SSBP3: variants seen among roughly 807,000 people sequenced by gnomAD.
SSBP3 encodes single-stranded DNA-binding protein 3.
In SSBP3, 5 loss-of-function variants were observed where a neutral mutation model predicts 69.6. That is an observed-to-expected ratio of 0.07 (90% CI 0.04 to 0.15). SSBP3 has a LOEUF of 0.15. Ranked by LOEUF, SSBP3 falls within the 10% of genes least tolerant of loss-of-function variation. The probability of loss-of-function intolerance (pLI) is 1.00; values close to 1 mark genes in which losing one functional copy is unlikely to be tolerated. For missense variants in SSBP3, 312 were observed against 534.0 expected (o/e 0.58, Z 4.10); for synonymous variants, 196 against 193.4 (o/e 1.01, Z -0.11).
At chr1:54,403,641 TA>T (rs2100823238) in intron 3 of SSBP3, among the ~76,000 whole-genome samples, 1 of 152,224 alleles carries the variant, frequency 6.6e-6, no homozygotes, top group Non-Finnish European at 1.5e-5. Context: ...CTTAAAACAG[TA>T]ACCTGAGCTG....
chr1:54,315,456 G>A (rs1277686845), intron 4 of SSBP3, among the ~76,000 whole-genome samples: 1 of 152,048 alleles, frequency 6.6e-6, no homozygotes, highest in Non-Finnish European at 1.5e-5. Context: ...AGAAAAGTCG[G>A]AGTTATAACA....
intron 7 of SSBP3, among the ~76,000 whole-genome samples, chr1:54,255,238 T>C (rs959245921): frequency 1.3e-5 from 2 of 152,086 alleles, no homozygotes; most frequent in Admixed American, 6.6e-5. Flanking sequence ...ATCCCCCATT[T>C]GCTCTTGAGT....
chr1:54,314,091 T>A (rs973761178), intron 4 of SSBP3, among the ~76,000 whole-genome samples: 1 of 152,144 alleles, frequency 6.6e-6, no homozygotes, highest in Non-Finnish European at 1.5e-5. Context: ...ATCTATGAGG[T>A]ATCAGAGTGG....
At chr1:54,355,033 G>A (rs1646841413) in intron 4 of SSBP3, among the ~76,000 whole-genome samples, 1 of 152,240 alleles carries the variant, frequency 6.6e-6, no homozygotes, top group Admixed American at 6.5e-5. Flanking sequence ...GGGAGGGTGA[G>A]GCTGGGTTGT....
chr1:54,293,300 G>A (rs373235070), intron 4 of SSBP3, among the ~76,000 whole-genome samples: 1 of 152,068 alleles, frequency 6.6e-6, no homozygotes, highest in African/African-American at 2.4e-5. Flanking sequence ...GGTGGGGCCT[G>A]GGAGGATCGG....
At chr1:54,313,578 C>T (rs1646044726) in intron 4 of SSBP3, among the ~76,000 whole-genome samples, 1 of 151,106 alleles carries the variant, frequency 6.6e-6, no homozygotes, top group Non-Finnish European at 1.5e-5. Flanking sequence ...TTGACATCAA[C>T]AGTCAAGTAC....
At chr1:54,256,465 G>A (rs529781273) in intron 7 of SSBP3, among the ~76,000 whole-genome samples, 129 of 152,222 alleles carry the variant, frequency 8.5e-4, no homozygotes, top group African/African-American at 2.8e-3. Context: ...GATTTCTCCA[G>A]ACCACCTAGA....
At chr1:54,302,229 T>G (rs1406589418) in intron 4 of SSBP3, among the ~76,000 whole-genome samples, 1 of 152,094 alleles carries the variant, frequency 6.6e-6, no homozygotes, top group East Asian at 1.9e-4. Context: ...ACCTACCCCC[T>G]GCCCCCGGTG....
intron 13 of SSBP3, among the ~76,000 whole-genome samples, chr1:54,240,051 T>G (rs1251471790): frequency 1.0e-4 from 2 of 19,928 alleles, no homozygotes; most frequent in Non-Finnish European, 2.1e-4. Context: ...TGATGGGGTG[T>G]GTGTGTGTGT....
chr1:54,289,681 A>C (rs949563264), intron 4 of SSBP3, among the ~76,000 whole-genome samples: 1 of 152,108 alleles, frequency 6.6e-6, no homozygotes, highest in African/African-American at 2.4e-5. Context: ...GGACTCGAGG[A>C]TGCAGGAGGT....
chr1:54,227,299 T>C (rs1430893136), intron 17 of SSBP3, 139 bp from the exon 18 acceptor site: 21 of 684,188 alleles, frequency 3.1e-5, no homozygotes, highest in Non-Finnish European at 5.4e-5. Context: ...GAGGGGCACA[T>C]GGTGGCATGG....
At chr1:54,320,024 T>G (rs2100364654) in intron 4 of SSBP3, among the ~76,000 whole-genome samples, 1 of 152,286 alleles carries the variant, frequency 6.6e-6, no homozygotes, top group East Asian at 1.9e-4. Flanking sequence ...AGGAGGCAGC[T>G]TGCCATCCAT....
chr1:54,325,187 C>T (rs1254920930), intron 4 of SSBP3, among the ~76,000 whole-genome samples: 3 of 152,200 alleles, frequency 2.0e-5, no homozygotes, highest in South Asian at 4.1e-4. Context: ...CATCCCAGCA[C>T]GAGTCACTCC....
chr1:54,316,634 C>T (rs1368306835), intron 4 of SSBP3, among the ~76,000 whole-genome samples: 14 of 115,526 alleles, frequency 1.2e-4, no homozygotes, highest in Admixed American at 1.2e-3. Context: ...GGCGACAGAG[C>T]GAGACTCCGT....
At chr1:54,313,644 G>A (rs987043467) in intron 4 of SSBP3, among the ~76,000 whole-genome samples, 2 of 152,054 alleles carry the variant, frequency 1.3e-5, no homozygotes, top group African/African-American at 2.4e-5. Flanking sequence ...GAGTGTTCCT[G>A]CCCTGCAGCC....
rs140919242 is a variant in SSBP3, at chr1:54,255,727, G to GAAAA, written c.507+1396_507+1399dup. 3.2e-3 allele frequency: 474 copies of GAAAA among 149,218 alleles called. 4 individuals are homozygous for GAAAA. Among genetic ancestry groups the GAAAA allele is most frequent in the African/African-American group, 0.01 (421 of 40,592 alleles). The allele number at this position is 149,218 out of a possible 1,614,324, so 9.2% of individuals were successfully genotyped here. On this transcript the variant is annotated intron_variant, in intron 7 of 17. Transcript: ENST00000610401. ...ATAGAAAATGAAGGACTTTTGGAGAGAAAAAAAAACAAAATAAAAAGGTGG... is the reference window on the plus strand; with the variant it reads ...ATAGAAAATGAAGGACTTTTGGAGAGAAAAAAAAAAAAACAAAATAAAAAGGTGG...
At chr1:54,250,039 G>A (rs1341962563) in intron 9 of SSBP3, among the ~76,000 whole-genome samples, 2 of 152,222 alleles carry the variant, frequency 1.3e-5, no homozygotes, top group African/African-American at 4.8e-5. Context: ...TAGGCTGTGG[G>A]GAGGGAGAGC....
rs369869389 is a variant in SSBP3 at position 54,404,950 on chromosome 1, C to A, written c.57-20G>T. 2 of 1,607,990 alleles carry A rather than the reference C, an allele frequency of 1.2e-6. No individual in the cohort carries two copies. The highest frequency in any genetic ancestry group is 2.2e-5 in the East Asian group (1 of 44,844). On this transcript the variant is annotated intron_variant, in intron 1 of 17. Coordinates refer to ENST00000610401, the Ensembl canonical transcript of SSBP3. ...GCTAACCTGGAAAGTGGACAGGGGG[C>A]AAAGAGAGAGAGGGAAAGGCGTCAG... is the stretch of plus-strand genomic sequence containing the variant.
chr1:54,272,953 C>T (rs1645221156), intron 5 of SSBP3, among the ~76,000 whole-genome samples: 1 of 152,150 alleles, frequency 6.6e-6, no homozygotes, highest in Non-Finnish European at 1.5e-5. Flanking sequence ...CCAGGCCTCC[C>T]AAGTCCAAGA....
Sources: allele counts gnomAD v4.1 joint callset (sites outside exome capture counted in the v4.1 genomes callset), GRCh38; gene constraint gnomAD v4.1.1; transcripts MANE v1.5; gene names NCBI Gene and HGNC (gene_info 2026-07-23, HGNC 2026-07-21).